Variants in MBD5 observed in about 807,000 individuals in gnomAD.
MBD5 encodes the protein methyl-CpG binding domain protein 5.
In MBD5, 13 loss-of-function variants were observed where a neutral mutation model predicts 117.3. The observed-to-expected ratio is 0.11, with a 90% CI of 0.07 to 0.18. The LOEUF is 0.18. Among genes scored for constraint, MBD5 ranks in the 10% least tolerant of loss-of-function variants. The pLI is 1.00. For missense variants in MBD5, 1,879 were observed against 2,093.8 expected (o/e 0.90, Z 2.00); for synonymous variants, 727 against 766.4 (o/e 0.95, Z 0.85).
At chr2:148,452,216 C>G (rs1706749084) in intron 4 of MBD5, among the ~76,000 whole-genome samples, 1 of 152,106 alleles carries the variant, frequency 6.6e-6, no homozygotes, top group Admixed American at 6.6e-5. Context: ...CACATTTAAG[C>G]CAAGCACGGT....
At chr2:148,049,090 T>G (rs1291128143) in intron 1 of MBD5, among the ~76,000 whole-genome samples, 1 of 152,144 alleles carries the variant, frequency 6.6e-6, no homozygotes, top group Non-Finnish European at 1.5e-5. Flanking sequence ...AAAAGAAGCA[T>G]TTTCCTGTGG....
At position 148,261,553 on chromosome 2, in the gene MBD5, C is replaced by T. The variant is rs1397952439; in HGVS notation, c.-680+28158C>T. ...AATTGAAGAGAGTTAGGGCCTTGCT[C>T]TGAATTAGACTTTATTTTAAGGAAA... On this transcript the variant is annotated intron_variant, in intron 3 of 13. Coordinates refer to ENST00000642680, the MANE Select transcript of MBD5 (RefSeq NM_001378120.1). 2.0e-5 allele frequency among the ~76,000 whole-genome samples: 3 copies of T among 152,154 alleles called. No individual in the cohort carries two copies. In the East Asian group the frequency reaches 5.8e-4, roughly 29 times the overall value.
intron 1 of MBD5, among the ~76,000 whole-genome samples, chr2:148,099,832 T>C (rs990307004): frequency 5.3e-5 from 8 of 152,220 alleles, no homozygotes; most frequent in Non-Finnish European, 1.0e-4. Flanking sequence ...GTCTACTTTT[T>C]CAGTCCATGT....
intron 5 of MBD5, among the ~76,000 whole-genome samples, chr2:148,459,392 T>C (rs757783462): frequency 2.0e-5 from 3 of 152,202 alleles, no homozygotes; most frequent in Non-Finnish European, 4.4e-5. Flanking sequence ...AGGCTCTGCA[T>C]CTTACAAGTA....
rs540230865 is a variant in MBD5 at position 148,221,537 on chromosome 2, T to C, written c.-830-11708T>C. Among the ~76,000 whole-genome samples the C allele has an allele frequency of 3.9e-5, 6 of 152,318 alleles. No individual in the cohort carries two copies. The East Asian group carries it at 9.6e-4, about 24-fold the overall frequency. On this transcript the variant is annotated intron_variant, in intron 2 of 13. Coordinates refer to ENST00000642680, the MANE Select transcript of MBD5 (RefSeq NM_001378120.1). ...CAGTGATGTTGAGCACTTTCTCATATGCATGTTTGCCATTTCCATGGCTTC... is the reference window on the plus strand; with the variant it reads ...CAGTGATGTTGAGCACTTTCTCATACGCATGTTTGCCATTTCCATGGCTTC...
chr2:148,388,243 C>T (rs556615635), intron 4 of MBD5, among the ~76,000 whole-genome samples: 6 of 152,188 alleles, frequency 3.9e-5, no homozygotes, highest in South Asian at 2.1e-4. Flanking sequence ...AAAATATGTT[C>T]GAAGTTGGAT....
intron 3 of MBD5, among the ~76,000 whole-genome samples, chr2:148,237,307 G>C (rs1700111351): frequency 6.6e-6 from 1 of 152,184 alleles, no homozygotes; most frequent in Admixed American, 6.5e-5. Flanking sequence ...CTTTCAGCTT[G>C]TCTTGGCTTT....
chr2:148,381,369 C>T (rs528659873), intron 4 of MBD5, among the ~76,000 whole-genome samples: 572 of 151,944 alleles, frequency 3.8e-3, no homozygotes, highest in Non-Finnish European at 6.0e-3. Context: ...AGGGTATCAG[C>T]AATGGAAGAT....
At chr2:148,317,912 T>A (rs1236146125) in intron 3 of MBD5, among the ~76,000 whole-genome samples, 1 of 152,224 alleles carries the variant, frequency 6.6e-6, no homozygotes, top group African/African-American at 2.4e-5. Context: ...AGTGCTGCAA[T>A]GAACACGAGT....
intron 1 of MBD5, among the ~76,000 whole-genome samples, chr2:148,080,539 T>A (rs1313036072): frequency 6.6e-6 from 1 of 152,148 alleles, no homozygotes; most frequent in Non-Finnish European, 1.5e-5. Flanking sequence ...TAGCATTGTT[T>A]AGGCTTAAAT....
intron 2 of MBD5, among the ~76,000 whole-genome samples, chr2:148,195,505 A>G (rs1266492972): frequency 2.0e-5 from 3 of 152,206 alleles, no homozygotes; most frequent in African/African-American, 7.2e-5. Flanking sequence ...AAGTAAACAG[A>G]AACCAATAAG....
At chr2:148,216,815 C>G (rs1699567968) in intron 2 of MBD5, among the ~76,000 whole-genome samples, 1 of 152,148 alleles carries the variant, frequency 6.6e-6, no homozygotes, top group Non-Finnish European at 1.5e-5. Context: ...TCCGCTGACC[C>G]TCAGCACCAC....
chr2:148,394,545 G>GTTTTTTTTTTTTTTCTTTTTTTT (rs1704651890), intron 4 of MBD5, among the ~76,000 whole-genome samples: 1 of 121,852 alleles, frequency 8.2e-6, no homozygotes, highest in Non-Finnish European at 1.7e-5. Flanking sequence ...CTGTACTTTG[G>GTTTTTTTTTTTTTTCTTTTTTTT]TTTTTTTTTT....
intron 1 of MBD5, among the ~76,000 whole-genome samples, chr2:148,126,314 G>A (rs1696892984): frequency 6.6e-6 from 1 of 151,050 alleles, no homozygotes; most frequent in Non-Finnish European, 1.5e-5. Flanking sequence ...GCTGAGGCAG[G>A]AGAATCGCTT....
Position 148,180,343 on chromosome 2 carries a change from C to CATATATATAT in MBD5, c.-831+1559_-831+1568dup, listed in dbSNP as rs70992196. ...ATCCTTCTAGTAAAAAAAAATTATA[C>CATATATATAT]ATATATATATATATATATGTATATA... On this transcript the variant is annotated intron_variant, in intron 2 of 13. Transcript: ENST00000642680. 5.1e-3 allele frequency among the ~76,000 whole-genome samples: 542 copies of CATATATATAT among 105,530 alleles called. 17 individuals are homozygous for CATATATATAT. The highest frequency in any genetic ancestry group is 0.014 in the African/African-American group (385 of 27,966). 69.2% of individuals were successfully genotyped at this position (105,530 alleles called of 152,430 possible). A position where few individuals can be genotyped will look rare whatever the true frequency, so the allele number is the denominator to read the frequency against.
At chr2:148,424,894 G>A (rs190122993) in intron 4 of MBD5, among the ~76,000 whole-genome samples, 65 of 152,272 alleles carry the variant, frequency 4.3e-4, no homozygotes, top group African/African-American at 1.6e-3. Context: ...AGTGTTTAGA[G>A]GGAAATTTAG....
At chr2:148,110,050 T>C (rs1305018423) in intron 1 of MBD5, among the ~76,000 whole-genome samples, 1 of 152,188 alleles carries the variant, frequency 6.6e-6, no homozygotes, top group African/African-American at 2.4e-5. Flanking sequence ...TTTGTTGTCA[T>C]TTACTATGAA....
At chr2:148,323,416 G>A (rs940122663) in intron 3 of MBD5, among the ~76,000 whole-genome samples, 15 of 151,440 alleles carry the variant, frequency 9.9e-5, no homozygotes, top group African/African-American at 2.9e-4. Flanking sequence ...CTGAGGAATC[G>A]CCACACTGAC....
In MBD5 at chr2:148,225,702, T is replaced by A. The variant is rs533275935; in HGVS notation, c.-830-7543T>A. Reference sequence around the variant, plus strand: ...GGAAAGCCTTTATTTCCTATTCATGTTTGAAGGATATTTTCACTGAATATA... The same window carrying A: ...GGAAAGCCTTTATTTCCTATTCATGATTGAAGGATATTTTCACTGAATATA... On this transcript the variant is annotated intron_variant, in intron 2 of 13. Transcript: ENST00000642680. 1.9e-3 allele frequency among the ~76,000 whole-genome samples: 296 copies of A among 152,340 alleles called. 1 individual carries two copies. Among genetic ancestry groups the A allele is most frequent in the African/African-American group, 6.7e-3 (278 of 41,584 alleles).
Sources: allele counts gnomAD v4.1 joint callset (sites outside exome capture counted in the v4.1 genomes callset), GRCh38; gene constraint gnomAD v4.1.1; transcripts MANE v1.5; gene names NCBI Gene and HGNC (gene_info 2026-07-23, HGNC 2026-07-21).